Variants in MMP27 observed in about 807,000 individuals in gnomAD.
The protein encoded by MMP27 is matrix metalloproteinase-27.
In MMP27, 51 loss-of-function variants were observed where a neutral mutation model predicts 48.1. That is an observed-to-expected ratio of 1.06 (90% CI 0.85 to 1.34). The LOEUF is 1.34. Among genes scored for constraint, MMP27 ranks in the 40% most tolerant of loss-of-function variants. The pLI is 0.00. For missense variants in MMP27, 698 were observed against 619.3 expected (o/e 1.13, Z -1.35); for synonymous variants, 229 against 208.9 (o/e 1.10, Z -0.83).
chr11:102,695,223 T>A, intron 6 of MMP27, 126 bp from the exon 7 acceptor site: 1 of 1,099,566 alleles, frequency 9.1e-7, no homozygotes, highest in Non-Finnish European at 1.3e-6. Context: ...ATAATTAGCA[T>A]AATTTTCCCC....
At position 102,699,077 on chromosome 11, in the gene MMP27, C is replaced by G. The variant is rs1322952966; in HGVS notation, c.620-2242G>C. On this transcript the variant is annotated intron_variant, in intron 4 of 9. Coordinates refer to ENST00000260229, the MANE Select transcript of MMP27 (RefSeq NM_022122.3). ...GTTAGATGTGTTTCCTAAACATGAC[C>G]ATAGTGCCCTTTCCAGAAGTCTTAC... Among the ~76,000 whole-genome samples, 3 of 152,224 alleles carry G rather than the reference C, an allele frequency of 2.0e-5. No homozygotes were observed. The East Asian group carries it at 5.8e-4, about 29-fold the overall frequency.
intron 4 of MMP27, among the ~76,000 whole-genome samples, chr11:102,697,488 C>A (rs1860852790): frequency 6.6e-6 from 1 of 152,064 alleles, no homozygotes; most frequent in African/African-American, 2.4e-5. Flanking sequence ...TTAACTTTTG[C>A]TTACAGTAAC....
chr11:102,701,143 C>T lies in MMP27; in HGVS notation c.619+1610G>A, dbSNP rs1860932441. On this transcript the variant is annotated intron_variant, in intron 4 of 9. Transcript: ENST00000260229. ...ATACAATTGGATCACAGAGGGCCCA[C>T]AATTTCTACTCTGAGGGACTGAAAT... Among the ~76,000 whole-genome samples the T allele has an allele frequency of 2.0e-5, 3 of 152,286 alleles. No homozygotes were observed. The South Asian group carries it at 6.2e-4, about 32-fold the overall frequency.
In MMP27 at chr11:102,702,750, C is replaced by T; in HGVS notation, c.619+3G>A. 6.2e-7 allele frequency: 1 copy of T among 1,604,342 alleles called. No homozygotes were observed. Among genetic ancestry groups the T allele is most frequent in the South Asian group, 1.1e-5 (1 of 88,876 alleles). ...TTTTGTTCATAAAGAAAATTAGACT[C>T]ACCTGCTCCATCCTTGGTCCAGTTT... On this transcript the variant is annotated splice_donor_region_variant and intron_variant, in intron 4 of 9. Transcript: ENST00000260229.
Position 102,692,960 on chromosome 11 carries a change from A to G in MMP27, c.1275T>C (p.Val425=), listed in dbSNP as rs772264776. Residue 425 remains valine (V), a synonymous_variant, in exon 9 of 10, where the codon GTT becomes GTC. Transcript: ENST00000260229. The stretch of plus-strand genomic sequence containing the variant: ...TACCTTTGTACTGGAAAGCAGCATC[A>G]ACACGGATACTGATTCCAGGAAAGT... ...VKHFPGISIR[V]DAAFQYKGFF... 8.7e-6 allele frequency: 14 copies of G among 1,613,518 alleles called. No individual in the cohort carries two copies. Among genetic ancestry groups the G allele is most frequent in the South Asian group, 1.1e-5 (1 of 91,054 alleles).
At chr11:102,699,479 A>AC (rs1179050950) in intron 4 of MMP27, among the ~76,000 whole-genome samples, 1 of 151,982 alleles carries the variant, frequency 6.6e-6, no homozygotes, top group African/African-American at 2.4e-5. Context: ...AAAAATAAAT[A>AC]AATAAATACA....
chr11:102,701,960 G>A (rs758126049), intron 4 of MMP27, among the ~76,000 whole-genome samples: 1 of 152,176 alleles, frequency 6.6e-6, no homozygotes, highest in Non-Finnish European at 1.5e-5. Context: ...GACTCTGGAA[G>A]CTAGACACCA....
chr11:102,703,116 A>T lies in MMP27; in HGVS notation c.344T>A (p.Ile115Lys), dbSNP rs768890033. 6.2e-7 allele frequency: 1 copy of T among 1,607,786 alleles called. No homozygotes were observed. Among genetic ancestry groups the T allele is most frequent in the Non-Finnish European group, 8.5e-7 (1 of 1,178,384 alleles). ...GWRKYNLTYRIINYTPDMARA... is the reference protein window; with the variant it reads ...GWRKYNLTYRKINYTPDMARA... ...TGCCATATCCGGAGTATAGTTTATT[A>T]TTCTTAAAAATTAACAAAAATATGT... Residue 115 changes from isoleucine (I) to lysine (K), a missense_variant and splice_region_variant, in exon 3 of 10, where the codon ATA becomes AAA. Physicochemically the swap from Ile to Lys is moderately radical, Grantham distance 102. Coordinates refer to ENST00000260229, the MANE Select transcript of MMP27 (RefSeq NM_022122.3).
Position 102,705,730 on chromosome 11 carries a change from G to A in MMP27, c.-16C>T, listed in dbSNP as rs1347701858. 2 of 1,568,454 alleles carry A rather than the reference G, an allele frequency of 1.3e-6. No individual in the cohort carries two copies. Among genetic ancestry groups the A allele is most frequent in the East Asian group, 2.3e-5 (1 of 43,954 alleles). ...GGCGCTTCATTCCTCTCTTTCTTCA[G>A]CTGAAGCCGGTTCTGTTAGCACAGA... On this transcript the variant is annotated 5_prime_UTR_variant, in exon 1 of 10. Coordinates refer to ENST00000260229, the MANE Select transcript of MMP27 (RefSeq NM_022122.3).
Position 102,692,935 on chromosome 11 carries a change from TA to T in MMP27, c.1297+2del, listed in dbSNP as rs747788779. Reference sequence around the variant, plus strand: ...TCCCAATAAGTGAGACATCCATGCTTACCTTTGTACTGGAAAGCAGCATCAA... The same window carrying T: ...TCCCAATAAGTGAGACATCCATGCTTCCTTTGTACTGGAAAGCAGCATCAA... On this transcript the variant is annotated splice_donor_variant, in intron 9 of 9. Transcript: ENST00000260229. LOFTEE classifies it high-confidence loss of function. 3.1e-6 allele frequency: 5 copies of T among 1,611,198 alleles called. No individual in the cohort carries two copies. The highest frequency in any genetic ancestry group is 3.3e-4 in the Middle Eastern group (2 of 6,074).
chr11:102,695,383 A>G (rs1860805998), intron 6 of MMP27, among the ~76,000 whole-genome samples: 1 of 152,212 alleles, frequency 6.6e-6, no homozygotes, highest in African/African-American at 2.4e-5. Context: ...TGTTTTTGCC[A>G]AAGCAGCAAC....
chr11:102,696,732 C>T lies in MMP27; in HGVS notation c.723G>A (p.Leu241=). The T allele has an allele frequency of 6.2e-7, 1 of 1,613,724 alleles. No homozygotes were observed. Among genetic ancestry groups the T allele is most frequent in the Non-Finnish European group, 8.5e-7 (1 of 1,179,892 alleles). Residue 241 remains leucine (L), a synonymous_variant, in exon 5 of 10, where the codon CTG becomes CTA. Transcript: ENST00000260229. ...TALMFPNYVS[L]DPRKYPLSQD... is the part of the protein sequence containing the mutation. ...GAGAAAGTGGGTATTTTCTGGGATC[C>T]AGGGAGACATAATTTGGGAACATCA... is the stretch of plus-strand genomic sequence containing the variant.
At chr11:102,704,031 C>T (rs1033903324) in intron 2 of MMP27, among the ~76,000 whole-genome samples, 2 of 152,146 alleles carry the variant, frequency 1.3e-5, no homozygotes, top group African/African-American at 4.8e-5. Context: ...CTCTTCCTGC[C>T]AATGAGTCAG....
intron 2 of MMP27, 27 bp downstream of exon 2, chr11:102,704,510 G>A (rs1277307314): frequency 6.6e-7 from 1 of 1,504,276 alleles, no homozygotes; most frequent in Non-Finnish European, 9.2e-7. Flanking sequence ...TTTGGATTAG[G>A]CGGAAATAAG....
intron 9 of MMP27, among the ~76,000 whole-genome samples, chr11:102,692,266 A>C (rs1338509442): frequency 6.6e-6 from 1 of 152,204 alleles, no homozygotes; most frequent in Non-Finnish European, 1.5e-5. Context: ...TCTATGCCAG[A>C]GGTTTTCAAA....
intron 9 of MMP27, 55 bp downstream of exon 9, chr11:102,692,883 T>C (rs1319966049): frequency 1.6e-5 from 23 of 1,450,140 alleles, no homozygotes; most frequent in Non-Finnish European, 2.0e-5. Context: ...GCTGTCTTTT[T>C]TCACAGTCAA....
chr11:102,693,345 T>C lies in MMP27; in HGVS notation c.1194-304A>G, dbSNP rs1029521387. ...AGCTTTCAAAATTTTTCACTAGATATGTTTGTGTCATTGGCAATTTGGTTG... is the reference window on the plus strand; with the variant it reads ...AGCTTTCAAAATTTTTCACTAGATACGTTTGTGTCATTGGCAATTTGGTTG... On this transcript the variant is annotated intron_variant, in intron 8 of 9. Coordinates refer to ENST00000260229, the MANE Select transcript of MMP27 (RefSeq NM_022122.3). Among the ~76,000 whole-genome samples, 3 of 152,170 alleles carry C rather than the reference T, an allele frequency of 2.0e-5. No individual in the cohort carries two copies. The East Asian group carries it at 5.8e-4, about 29-fold the overall frequency.
chr11:102,700,512 A>G (rs1591660856), intron 4 of MMP27, among the ~76,000 whole-genome samples: 1 of 152,206 alleles, frequency 6.6e-6, no homozygotes, highest in Admixed American at 6.5e-5. Context: ...TAGTTAGGGT[A>G]AGGGTAATTT....
rs188327801 is a variant in MMP27 at position 102,693,017 on chromosome 11, C to T, written c.1218G>A (p.Met406Ile). Residue 406 changes from methionine (M) to isoleucine (I), a missense_variant, in exon 9 of 10, where the codon ATG becomes ATA. Physicochemically the swap from Met to Ile is conservative, Grantham distance 10 (BLOSUM62 1). Transcript: ENST00000260229. The part of the protein sequence containing the change: ...CWRFDEMTQT[M>I]DKGFPQRVVK... The stretch of plus-strand genomic sequence containing the variant: ...CCACTCTCTGCGGGAACCCTTTGTC[C>T]ATGGTTTGGGTCATTTCATCAAACC... The T allele has an allele frequency of 4.3e-5, 70 of 1,613,620 alleles. No homozygotes were observed. In the South Asian group the frequency reaches 4.9e-4, roughly 11 times the overall value.
Sources: allele counts gnomAD v4.1 joint callset (sites outside exome capture counted in the v4.1 genomes callset), GRCh38; gene constraint gnomAD v4.1.1; transcripts MANE v1.5; gene names NCBI Gene and HGNC (gene_info 2026-07-23, HGNC 2026-07-21).